The following ADAMTSL1 variants were observed in gnomAD, a reference collection of about 807,000 sequenced individuals.
ADAMTSL1 encodes the protein ADAMTS like 1, also known as ADAMTS-like protein 1.
A neutral mutation model predicts 201.8 loss-of-function variants in ADAMTSL1; 126 were observed. The ratio of observed to expected loss-of-function variants is 0.62; its 90% CI spans 0.54 to 0.72. The LOEUF (loss-of-function observed/expected upper bound fraction) is 0.72, where lower values mean the gene tolerates loss of function less well. Among genes scored for constraint, ADAMTSL1 ranks in the 30% least tolerant of loss-of-function variants. The pLI is 0.00. For missense variants in ADAMTSL1, 2,679 were observed against 2,277.8 expected (o/e 1.18, Z -3.59); for synonymous variants, 1,121 against 903.4 (o/e 1.24, Z -4.32).
At chr9:18,420,114 A>C (rs920370566) in intron 2 of ADAMTSL1, among the ~76,000 whole-genome samples, 3 of 152,248 alleles carry the variant, frequency 2.0e-5, no homozygotes, top group African/African-American at 7.2e-5. Context: ...CAGTTTCGCC[A>C]AATAGGAGGC....
intron 3 of ADAMTSL1, among the ~76,000 whole-genome samples, chr9:18,563,483 C>T (rs1267625143): frequency 6.6e-6 from 1 of 152,210 alleles, no homozygotes; most frequent in African/African-American, 2.4e-5. Flanking sequence ...TCAGGAGGCA[C>T]AGGGGTTAGG....
At chr9:18,518,884 T>G (rs1225828068) in intron 2 of ADAMTSL1, among the ~76,000 whole-genome samples, 2 of 152,098 alleles carry the variant, frequency 1.3e-5, no homozygotes, top group Non-Finnish European at 2.9e-5. Context: ...ATTTTTGTAT[T>G]TTTAGTAGAG....
chr9:18,239,960 C>G (rs1830998529), intron 2 of ADAMTSL1, among the ~76,000 whole-genome samples: 1 of 152,146 alleles, frequency 6.6e-6, no homozygotes, highest in Admixed American at 6.5e-5. Flanking sequence ...TGACTTTCTC[C>G]ACTGAAGTCT....
intron 2 of ADAMTSL1, among the ~76,000 whole-genome samples, chr9:18,393,373 A>G (rs1275594990): frequency 2.0e-5 from 3 of 152,146 alleles, no homozygotes; most frequent in Admixed American, 6.5e-5. Flanking sequence ...TAGGGATTAA[A>G]GGGGAAGGTA....
chr9:18,163,969 A>C (rs940162469), exon 2 of ADAMTSL1: 1 of 152,062 alleles, frequency 6.6e-6, no homozygotes, highest in African/African-American at 2.4e-5. Context: ...ATAGTCACAA[A>C]ACTGAAGACT....
intron 4 of ADAMTSL1, among the ~76,000 whole-genome samples, chr9:18,588,330 C>G (rs1273213081): frequency 6.6e-6 from 1 of 151,606 alleles, no homozygotes; most frequent in African/African-American, 2.4e-5. Context: ...TTTCTTTGCT[C>G]TTGAGTTGAG....
chr9:17,950,741 A>T (rs1468415800), intron 1 of ADAMTSL1, among the ~76,000 whole-genome samples: 1 of 152,102 alleles, frequency 6.6e-6, no homozygotes, highest in African/African-American at 2.4e-5. Flanking sequence ...TCACAACTGA[A>T]AACAGATGGC....
At chr9:18,890,178 A>G (rs2131550107) in intron 25 of ADAMTSL1, among the ~76,000 whole-genome samples, 1 of 152,256 alleles carries the variant, frequency 6.6e-6, no homozygotes, top group African/African-American at 2.4e-5. Context: ...TTAAATACCC[A>G]TGCTAATCAG....
intron 20 of ADAMTSL1, among the ~76,000 whole-genome samples, chr9:18,805,745 T>C (rs1823073072): frequency 6.6e-6 from 1 of 152,190 alleles, no homozygotes; most frequent in South Asian, 2.1e-4. Context: ...CCCTTATGAA[T>C]GTAACTCGGA....
chr9:18,029,715 AC>A (rs1290939678), intron 1 of ADAMTSL1, among the ~76,000 whole-genome samples: 4 of 152,036 alleles, frequency 2.6e-5, no homozygotes, highest in Non-Finnish European at 5.9e-5. Context: ...AAAACAAACA[AC>A]CCCATCAAAA....
chr9:18,905,929 T>G (rs1563908932), intron 27 of ADAMTSL1, 38 bp downstream of exon 27: 1 of 1,510,382 alleles, frequency 6.6e-7, no homozygotes. Context: ...CCCAGCCCCA[T>G]GTCAACAGCA....
chr9:18,247,591 T>G (rs1831312205), intron 2 of ADAMTSL1, among the ~76,000 whole-genome samples: 2 of 152,140 alleles, frequency 1.3e-5, no homozygotes, highest in South Asian at 4.1e-4. Flanking sequence ...ATGGTTGTAT[T>G]TTATTTTATT....
chr9:18,128,508 A>G (rs773916907), intron 1 of ADAMTSL1, among the ~76,000 whole-genome samples: 30 of 152,172 alleles, frequency 2.0e-4, no homozygotes, highest in African/African-American at 4.3e-4. Flanking sequence ...GACTACAGGA[A>G]CCATTTTGCC....
intron 1 of ADAMTSL1, among the ~76,000 whole-genome samples, chr9:18,078,625 C>T (rs775276203): frequency 4.6e-5 from 7 of 152,106 alleles, no homozygotes; most frequent in African/African-American, 9.7e-5. Flanking sequence ...ATCACTTTCT[C>T]GTGAGTATTT....
At chr9:18,694,428 T>G (rs893788888) in intron 13 of ADAMTSL1, among the ~76,000 whole-genome samples, 1 of 151,944 alleles carries the variant, frequency 6.6e-6, no homozygotes, top group East Asian at 1.9e-4. Flanking sequence ...GCCTGTAAAA[T>G]AAAAAACAAG....
At chr9:18,451,561 T>A (rs1338618201) in intron 2 of ADAMTSL1, among the ~76,000 whole-genome samples, 6 of 152,212 alleles carry the variant, frequency 3.9e-5, no homozygotes, top group South Asian at 4.1e-4. Context: ...TTTCTATTAC[T>A]CAACCAGCTC....
At chr9:18,442,194 T>A (rs1014098102) in intron 2 of ADAMTSL1, among the ~76,000 whole-genome samples, 1 of 152,214 alleles carries the variant, frequency 6.6e-6, no homozygotes, top group Non-Finnish European at 1.5e-5. Context: ...AAGAGTTTGG[T>A]TTAAACTTTA....
At chr9:18,684,562 T>C (rs1830708113) in intron 12 of ADAMTSL1, among the ~76,000 whole-genome samples, 154 bp from the exon 13 acceptor site, 1 of 152,242 alleles carries the variant, frequency 6.6e-6, no homozygotes, top group Admixed American at 6.5e-5. Flanking sequence ...TTTATTTTTC[T>C]AGATATAACC....
At chr9:18,362,893 A>G (rs1836590174) in intron 2 of ADAMTSL1, among the ~76,000 whole-genome samples, 1 of 152,248 alleles carries the variant, frequency 6.6e-6, no homozygotes, top group Admixed American at 6.5e-5. Flanking sequence ...TTTCTCTAAC[A>G]GAGCAAAGAA....
Sources: allele counts gnomAD v4.1 joint callset (sites outside exome capture counted in the v4.1 genomes callset), GRCh38; gene constraint gnomAD v4.1.1; transcripts MANE v1.5; gene names NCBI Gene and HGNC (gene_info 2026-07-23, HGNC 2026-07-21).